ACOXL: variants seen among roughly 807,000 people sequenced by gnomAD.
ACOXL encodes acyl-coenzyme A oxidase-like protein.
ACOXL carries 70 observed loss-of-function variants against 71.9 expected under a neutral mutation model. That is an observed-to-expected ratio of 0.97 (90% confidence interval 0.80 to 1.19). The LOEUF (loss-of-function observed/expected upper bound fraction) is 1.19, where lower values mean the gene tolerates loss of function less well. Among genes scored for constraint, ACOXL ranks in the 50% most tolerant of loss-of-function variants. The pLI is 0.00. For synonymous variants in ACOXL, 253 were observed against 281.6 expected, an observed-to-expected ratio of 0.90 and a Z score of 1.02; for missense variants, 703 against 736.3, an observed-to-expected ratio of 0.95 and a Z score of 0.52.
chr2:111,035,641 T>C (rs189640844), intron 15 of ACOXL, among the ~76,000 whole-genome samples: 70 of 152,360 alleles, frequency 4.6e-4, no homozygotes, highest in Admixed American at 2.7e-3. Flanking sequence ...AATGTTCATA[T>C]TAAGAGCAGG....
Position 111,064,635 on chromosome 2 carries a change from G to C in ACOXL, c.1440+15347G>C, listed in dbSNP as rs150292965. ...TCAGTACAGACACAACCATCCTTTC[G>C]TTTCCCAAATATTTTTGATCTGTGA... On this transcript the variant is annotated intron_variant, in intron 16 of 17. Coordinates refer to ENST00000439055, the MANE Select transcript of ACOXL (RefSeq NM_001142807.4). 2.2e-3 allele frequency among the ~76,000 whole-genome samples: 340 copies of C among 152,134 alleles called. 2 individuals are homozygous for C. Among genetic ancestry groups the C allele is most frequent in the African/African-American group, 8.0e-3 (330 of 41,486 alleles).
intron 5 of ACOXL, among the ~76,000 whole-genome samples, chr2:110,797,761 T>G (rs1351959923): frequency 6.6e-6 from 1 of 152,208 alleles, no homozygotes; most frequent in Non-Finnish European, 1.5e-5. Context: ...TCGTTGGATA[T>G]TCCATCCTTT....
chr2:110,864,451 C>T lies in ACOXL; in HGVS notation c.788+23046C>T, dbSNP rs1694315781. On this transcript the variant is annotated intron_variant, in intron 10 of 17. Transcript: ENST00000439055. Reference sequence around the variant, plus strand: ...TGTTTCTCTACAACCAGAAACTCAACCATCCAGTGATCCACCCTGGGAGAC... The same window carrying T: ...TGTTTCTCTACAACCAGAAACTCAATCATCCAGTGATCCACCCTGGGAGAC... Among the ~76,000 whole-genome samples, 9 of 152,190 alleles carry T rather than the reference C, an allele frequency of 5.9e-5. No homozygotes were observed. The South Asian group carries it at 1.7e-3, about 28-fold the overall frequency.
At chr2:110,796,020 A>G (rs1385182951) in intron 5 of ACOXL, 2 of 151,900 alleles carry the variant, frequency 1.3e-5, no homozygotes, top group Non-Finnish European at 2.9e-5. Context: ...TGGGGCTGGG[A>G]GAGAGAACAA....
intron 5 of ACOXL, chr2:110,795,863 A>C (rs1559272486): frequency 6.6e-6 from 1 of 152,020 alleles, no homozygotes; most frequent in Non-Finnish European, 1.5e-5. Flanking sequence ...TTTTTACAAA[A>C]ATAATTTCCT....
chr2:110,996,803 A>G (rs2063415669), intron 14 of ACOXL, among the ~76,000 whole-genome samples: 1 of 152,138 alleles, frequency 6.6e-6, no homozygotes, highest in South Asian at 2.1e-4. Context: ...AGGGAAGAGG[A>G]TGGATGGTAC....
chr2:110,936,268 G>GTTA (rs897132404), intron 12 of ACOXL, among the ~76,000 whole-genome samples: 52 of 151,986 alleles, frequency 3.4e-4, no homozygotes, highest in African/African-American at 1.0e-3. Context: ...TACCCGCACT[G>GTTA]TTATTATTAT....
intron 10 of ACOXL, among the ~76,000 whole-genome samples, chr2:110,907,270 C>A (rs894376205): frequency 6.6e-6 from 1 of 152,072 alleles, no homozygotes; most frequent in African/African-American, 2.4e-5. Context: ...ATAAGGCCAC[C>A]AATTCTATCA....
intron 14 of ACOXL, among the ~76,000 whole-genome samples, chr2:111,007,230 G>A (rs1464236268): frequency 4.6e-5 from 7 of 152,108 alleles, no homozygotes; most frequent in East Asian, 3.9e-4. Context: ...GCAAAGATGC[G>A]ACTGATATTT....
intron 10 of ACOXL, among the ~76,000 whole-genome samples, chr2:110,846,641 GCACACACACACACACACACA>G (rs61028803): frequency 7.3e-6 from 1 of 137,928 alleles, no homozygotes; most frequent in South Asian, 2.6e-4. Context: ...ATGCATACAC[GCACACACACACACACACACA>G]CACACACACA....
chr2:110,813,649 A>G (rs72832843), intron 9 of ACOXL, among the ~76,000 whole-genome samples: 3,712 of 152,262 alleles, frequency 0.024, 69 homozygotes, highest in East Asian at 0.055. Context: ...TCCATGTAGC[A>G]TAGATGCTTG....
chr2:111,018,862 C>T lies in ACOXL; in HGVS notation c.1282-12765C>T, dbSNP rs191009814. Among the ~76,000 whole-genome samples the T allele has an allele frequency of 5.3e-4, 80 of 152,142 alleles. No individual in the cohort carries two copies. The Middle Eastern group carries it at 0.014, about 26-fold the overall frequency. On this transcript the variant is annotated intron_variant, in intron 14 of 17. Transcript: ENST00000439055. The stretch of plus-strand genomic sequence containing the variant: ...TGGGTTAGCACTTCCCTTGCCAGTC[C>T]CTTCTTCACTGGATTTGCCCCAAAC...
At chr2:110,911,795 T>G (rs1220826127) in intron 11 of ACOXL, among the ~76,000 whole-genome samples, 1 of 152,048 alleles carries the variant, frequency 6.6e-6, no homozygotes, top group Non-Finnish European at 1.5e-5. Context: ...CTCCCTAAGA[T>G]TAGGAACAAA....
At chr2:110,986,116 G>A (rs1356247811) in intron 12 of ACOXL, among the ~76,000 whole-genome samples, 3 of 152,184 alleles carry the variant, frequency 2.0e-5, no homozygotes, top group African/African-American at 7.2e-5. Context: ...TGTTTAGTTA[G>A]CTATGATTTA....
intron 16 of ACOXL, among the ~76,000 whole-genome samples, chr2:111,060,225 C>T (rs1365072743): frequency 1.3e-5 from 2 of 152,198 alleles, no homozygotes; most frequent in African/African-American, 4.8e-5. Flanking sequence ...GGACTTCTTC[C>T]TCTACCCAGC....
At chr2:110,748,331 C>T (rs1184505727) in intron 1 of ACOXL, among the ~76,000 whole-genome samples, 1 of 152,160 alleles carries the variant, frequency 6.6e-6, no homozygotes, top group African/African-American at 2.4e-5. Flanking sequence ...CCTCACTGCA[C>T]TCCGTGGAGT....
chr2:111,107,915 AC>A (rs1470686821), intron 17 of ACOXL, among the ~76,000 whole-genome samples: 1 of 152,096 alleles, frequency 6.6e-6, no homozygotes. Flanking sequence ...GATTAGAACC[AC>A]CCCAATCCCT....
At chr2:110,831,829 A>G (rs1689865669) in intron 9 of ACOXL, among the ~76,000 whole-genome samples, 2 of 152,192 alleles carry the variant, frequency 1.3e-5, no homozygotes, top group Non-Finnish European at 2.9e-5. Flanking sequence ...AATGGAGGAA[A>G]GATGGCCTTT....
intron 11 of ACOXL, among the ~76,000 whole-genome samples, chr2:110,920,102 C>G (rs895479179): frequency 3.9e-5 from 6 of 152,144 alleles, no homozygotes; most frequent in Non-Finnish European, 8.8e-5. Flanking sequence ...ACTGGTAGGT[C>G]AAGTGGTAAG....
Sources: gnomAD v4.1 joint callset for allele counts (sites outside exome capture counted in the v4.1 genomes callset) on GRCh38, gnomAD v4.1.1 for gene constraint, MANE v1.5 for transcripts, NCBI Gene and HGNC (gene_info 2026-07-23, HGNC 2026-07-21) for gene names.